Variants in PRDM7 observed in about 807,000 individuals in gnomAD.
The protein encoded by PRDM7 is histone-lysine N-methyltransferase PRDM7.
A neutral mutation model predicts 64.3 loss-of-function variants in PRDM7; 52 were observed. That is an observed-to-expected ratio of 0.81 (90% CI 0.65 to 1.02). PRDM7 has a LOEUF of 1.02. Among genes scored for constraint, PRDM7 ranks in the 50% least tolerant of loss-of-function variants. The pLI is 0.00. For missense variants in PRDM7, 574 were observed against 597.1 expected (o/e 0.96, Z 0.40); for synonymous variants, 192 against 210.1 (o/e 0.91, Z 0.74).
At chr16:90,066,399 A>G (rs1314923175) in intron 5 of PRDM7, among the ~76,000 whole-genome samples, 3 of 151,344 alleles carry the variant, frequency 2.0e-5, no homozygotes, top group Admixed American at 2.0e-4. Flanking sequence ...ATGTAAAGAC[A>G]TATGGGTAAG....
chr16:90,073,767 C>T (rs1260454300), intron 4 of PRDM7, among the ~76,000 whole-genome samples: 3 of 151,834 alleles, frequency 2.0e-5, no homozygotes, highest in African/African-American at 2.4e-5. Flanking sequence ...AAACCGAGGC[C>T]GGTTTCAGGA....
intron 4 of PRDM7, among the ~76,000 whole-genome samples, chr16:90,072,130 C>T (rs1472529436): frequency 6.6e-6 from 1 of 151,636 alleles, no homozygotes; most frequent in Admixed American, 6.6e-5. Context: ...ACTTGGGATG[C>T]TGAGGCGGGA....
chr16:90,072,909 T>C (rs2037982049), intron 4 of PRDM7, among the ~76,000 whole-genome samples: 1 of 152,108 alleles, frequency 6.6e-6, no homozygotes, highest in Non-Finnish European at 1.5e-5. Context: ...TACATTAAGG[T>C]CTTAAGGAAT....
rs2037703798 is a variant in PRDM7 at position 90,057,541 on chromosome 16, C to T, written c.*748G>A. The T allele has an allele frequency of 3.3e-6, 1 of 300,376 alleles. No individual in the cohort carries two copies. The highest frequency in any genetic ancestry group is 5.8e-6 in the Non-Finnish European group (1 of 173,028). 18.6% of individuals were successfully genotyped at this position (300,376 alleles called of 1,614,324 possible). ...CTTGGGGTTCAGATATGTATGGAGA[C>T]AAAATTAATTAGAACAGGAGGCAAA... is the stretch of plus-strand genomic sequence containing the variant. On this transcript the variant is annotated 3_prime_UTR_variant, in exon 11 of 11. Coordinates refer to ENST00000449207, the MANE Select transcript of PRDM7 (RefSeq NM_001098173.2).
rs568799212 is a variant in PRDM7 at position 90,074,788 on chromosome 16, A to G, written c.301+128T>C. The G allele has an allele frequency of 2.3e-4, 195 of 860,698 alleles. No homozygotes were observed. The African/African-American group carries it at 3.1e-3, about 14-fold the overall frequency. The allele number at this position is 860,698 out of a possible 1,614,324, so 53.3% of individuals were successfully genotyped here. On this transcript the variant is annotated intron_variant, in intron 4 of 10. Coordinates refer to ENST00000449207, the MANE Select transcript of PRDM7 (RefSeq NM_001098173.2). ...CAGTTATTTGGGAGGCTGAGGCAGG[A>G]GAATCGCTTGAACCTGGGAGGCAGA...
At chr16:90,060,027 A>G (rs1407705660) in intron 10 of PRDM7, among the ~76,000 whole-genome samples, 11 of 152,248 alleles carry the variant, frequency 7.2e-5, no homozygotes, top group Admixed American at 1.3e-4. Context: ...TGCCAGAAGA[A>G]ACTACCTTGT....
intron 9 of PRDM7, 106 bp downstream of exon 9, chr16:90,061,346 A>C (rs1177128271): frequency 8.6e-7 from 1 of 1,164,546 alleles, no homozygotes; most frequent in Non-Finnish European, 1.3e-6. Flanking sequence ...AAAAATAGAA[A>C]TAGGGGATGT....
At chr16:90,063,406 C>G (rs1451978287) in intron 6 of PRDM7, among the ~76,000 whole-genome samples, 1 of 152,148 alleles carries the variant, frequency 6.6e-6, no homozygotes, top group Admixed American at 6.5e-5. Context: ...CCATTGCACT[C>G]CAGCCTGGGT....
In PRDM7 at chr16:90,057,222, G is replaced by T. The variant is rs2037699660; in HGVS notation, c.*1067C>A. The T allele has an allele frequency of 6.5e-6, 1 of 154,684 alleles. No homozygotes were observed. The highest frequency in any genetic ancestry group is 2.0e-4 in the South Asian group (1 of 4,964). 9.6% of individuals were successfully genotyped at this position (154,684 alleles called of 1,614,324 possible). ...CTACAGAGATTGGAGGAAATCAGGA[G>T]AGGAGACAGGGGGAGCCAAGGGGGA... On this transcript the variant is annotated 3_prime_UTR_variant, in exon 11 of 11. Transcript: ENST00000449207.
At chr16:90,073,791 T>C (rs1298408635) in intron 4 of PRDM7, among the ~76,000 whole-genome samples, 1 of 151,512 alleles carries the variant, frequency 6.6e-6, no homozygotes, top group Non-Finnish European at 1.5e-5. Flanking sequence ...CACTTTTTTT[T>C]CCCCCCGAGA....
At chr16:90,063,571 A>AG in intron 6 of PRDM7, 41 bp downstream of exon 6, 1 of 1,604,682 alleles carries the variant, frequency 6.2e-7, no homozygotes, top group Admixed American at 1.7e-5. Context: ...ACCTTTCTAG[A>AG]GGACATAGAG....
rs1434989430 is a variant in PRDM7, at chr16:90,057,295, A to C, written c.*994T>G. 1.3e-5 allele frequency: 2 copies of C among 154,384 alleles called. No homozygotes were observed. Among genetic ancestry groups the C allele is most frequent in the Non-Finnish European group, 2.9e-5 (2 of 69,520 alleles). 9.6% of individuals were successfully genotyped at this position (154,384 alleles called of 1,614,324 possible). On this transcript the variant is annotated 3_prime_UTR_variant, in exon 11 of 11. Coordinates refer to ENST00000449207, the MANE Select transcript of PRDM7 (RefSeq NM_001098173.2). Reference sequence around the variant, plus strand: ...TCCATTAGAAGAGGTCACACTTCCCAGGAGACCAGGGAGCTCTCTTTCCTG... The same window carrying C: ...TCCATTAGAAGAGGTCACACTTCCCCGGAGACCAGGGAGCTCTCTTTCCTG...
intron 4 of PRDM7, among the ~76,000 whole-genome samples, 158 bp from the exon 5 acceptor site, chr16:90,067,068 A>C (rs531674659): frequency 1.3e-5 from 2 of 151,004 alleles, no homozygotes; most frequent in African/African-American, 4.9e-5. Flanking sequence ...GGATTCAAGC[A>C]ATTCTCCTGC....
At chr16:90,074,104 C>G (rs1567880861) in intron 4 of PRDM7, among the ~76,000 whole-genome samples, 1 of 151,390 alleles carries the variant, frequency 6.6e-6, no homozygotes, top group East Asian at 2.0e-4. Flanking sequence ...ACTTCTAAAT[C>G]TTACTGGGGG....
At chr16:90,067,366 A>T (rs1257737767) in intron 4 of PRDM7, among the ~76,000 whole-genome samples, 3 of 151,216 alleles carry the variant, frequency 2.0e-5, no homozygotes, top group Non-Finnish European at 4.4e-5. Flanking sequence ...CTGAAGTATC[A>T]TTAAGGCCTA....
chr16:90,060,600 T>A lies in PRDM7; in HGVS notation c.974A>T (p.Asp325Val), dbSNP rs2037759138. Residue 325 changes from aspartate (D) to valine (V), a missense_variant, in exon 10 of 11, where the codon GAT becomes GTT. Coordinates refer to ENST00000449207, the MANE Select transcript of PRDM7 (RefSeq NM_001098173.2). ...GAAGGCCACCAGGTTCTGCTCTTCA[T>A]CATCCCGGGCACAGTTCACATACCT... ...WMRYVNCARDDEEQNLVAFQY... is the reference protein window; with the variant it reads ...WMRYVNCARDVEEQNLVAFQY... 6.2e-7 allele frequency: 1 copy of A among 1,614,110 alleles called. No homozygotes were observed.
chr16:90,057,962 G>A lies in PRDM7; in HGVS notation c.*327C>T. 1 of 1,601,808 alleles carries A rather than the reference G, an allele frequency of 6.2e-7. No homozygotes were observed. Among genetic ancestry groups the A allele is most frequent in the East Asian group, 2.3e-5 (1 of 44,324 alleles). On this transcript the variant is annotated 3_prime_UTR_variant, in exon 11 of 11. Coordinates refer to ENST00000449207, the MANE Select transcript of PRDM7 (RefSeq NM_001098173.2). ...GACATAAGGCTTCTCCCCTGTGTGT[G>A]TCCTCTGGTGACTGAGGAGGTCTGA...
Position 90,076,687 on chromosome 16 carries a change from C to T in PRDM7, c.-86+539G>A, listed in dbSNP as rs868044743. 8.6e-5 allele frequency among the ~76,000 whole-genome samples: 13 copies of T among 151,918 alleles called. No individual in the cohort carries two copies. The South Asian group carries it at 1.7e-3, about 20-fold the overall frequency. ...TTTTAGGCTGAAGAGATCTGGGGTG[C>T]TCTAGTTGACAGGATTTGAGATTCA... On this transcript the variant is annotated intron_variant, in intron 1 of 10. Transcript: ENST00000449207.
At position 90,073,290 on chromosome 16, in the gene PRDM7, TAGAA is replaced by T. The variant is rs1236813953; in HGVS notation, c.301+1622_301+1625del. The stretch of plus-strand genomic sequence containing the variant: ...TCAATAACTATTATGAGATTGGTGT[TAGAA>T]AGCTTTTTTGTGGATTTGCAGTTTA... On this transcript the variant is annotated intron_variant, in intron 4 of 10. Transcript: ENST00000449207. Among the ~76,000 whole-genome samples the T allele has an allele frequency of 4.0e-4, 61 of 152,336 alleles. 2 individuals are homozygous for T. The highest frequency in any genetic ancestry group is 3.9e-4 in the East Asian group (2 of 5,188).
Sources: allele counts gnomAD v4.1 joint callset (sites outside exome capture counted in the v4.1 genomes callset), GRCh38; gene constraint gnomAD v4.1.1; transcripts MANE v1.5; gene names NCBI Gene and HGNC (gene_info 2026-07-23, HGNC 2026-07-21).